The following CD48 variants were observed in gnomAD, a reference collection of about 807,000 sequenced individuals.
The protein encoded by CD48 is CD48 molecule, also known as CD48 antigen.
A neutral mutation model predicts 22.0 loss-of-function variants in CD48; 20 were observed. The observed-to-expected ratio is 0.91, with a 90% confidence interval of 0.64 to 1.32. The LOEUF (loss-of-function observed/expected upper bound fraction) is 1.32, where lower values mean the gene tolerates loss of function less well. CD48 is among the 40% of genes most tolerant of loss of function. CD48 has a pLI of 0.00. For missense variants in CD48, 307 were observed against 286.5 expected, an observed-to-expected ratio of 1.07 and a Z score of -0.52; for synonymous variants, 110 against 110.1, an observed-to-expected ratio of 1.00 and a Z score of 0.01.
chr1:160,680,555 G>T lies in CD48; in HGVS notation c.652+647C>A, dbSNP rs145104169. Reference sequence around the variant, plus strand: ...GACTCTAAAACCCATGGCCTTAGCTGTCCCATGCTAGCACCAGTGTAGGCC... The same window carrying T: ...GACTCTAAAACCCATGGCCTTAGCTTTCCCATGCTAGCACCAGTGTAGGCC... On this transcript the variant is annotated intron_variant, in intron 3 of 3. Transcript: ENST00000368046. 142 of 990,430 alleles carry T rather than the reference G, an allele frequency of 1.4e-4. No individual in the cohort carries two copies. In the Middle Eastern group the frequency reaches 1.6e-3, roughly 11 times the overall value. The allele number at this position is 990,430 out of a possible 1,614,324, so 61.4% of individuals were successfully genotyped here. A position where few individuals can be genotyped will look rare whatever the true frequency, so the allele number is the denominator to read the frequency against.
chr1:160,682,737 G>T (rs1331102351), intron 2 of CD48, among the ~76,000 whole-genome samples: 1 of 152,166 alleles, frequency 6.6e-6, no homozygotes, highest in Non-Finnish European at 1.5e-5. Flanking sequence ...GCTTTTTGAA[G>T]AGTGTAAGTA....
At chr1:160,711,342 C>T (rs1662939499) in intron 1 of CD48, among the ~76,000 whole-genome samples, 1 of 152,190 alleles carries the variant, frequency 6.6e-6, no homozygotes, top group Non-Finnish European at 1.5e-5. Context: ...TAAAATGCAG[C>T]AGCTGTCAGT....
intron 1 of CD48, among the ~76,000 whole-genome samples, chr1:160,697,660 T>G (rs1388476300): frequency 7.2e-5 from 11 of 152,216 alleles, no homozygotes; most frequent in Admixed American, 7.2e-4. Context: ...AATTTAGACC[T>G]AAAGGGAAAA....
At position 160,679,140 on chromosome 1, in the gene CD48, G is replaced by A; in HGVS notation, c.653-9C>T. 1 of 1,612,918 alleles carries A rather than the reference G, an allele frequency of 6.2e-7. No homozygotes were observed. The highest frequency in any genetic ancestry group is 8.5e-7 in the Non-Finnish European group (1 of 1,178,888). ...TACTCCAAAGGACCGGGCTGAAAGAGCAAGAAAACCCTATATGCTTAGGTA... is the reference window on the plus strand; with the variant it reads ...TACTCCAAAGGACCGGGCTGAAAGAACAAGAAAACCCTATATGCTTAGGTA... On this transcript the variant is annotated splice_polypyrimidine_tract_variant and intron_variant, in intron 3 of 3. Coordinates refer to ENST00000368046, the MANE Select transcript of CD48 (RefSeq NM_001778.4).
chr1:160,705,167 G>T (rs1662752881), intron 1 of CD48, among the ~76,000 whole-genome samples: 1 of 152,174 alleles, frequency 6.6e-6, no homozygotes, highest in Admixed American at 6.5e-5. Flanking sequence ...GGGCTTTCAA[G>T]TTCCTGTTCA....
chr1:160,706,925 G>T (rs1225670783), intron 1 of CD48, among the ~76,000 whole-genome samples: 2 of 152,136 alleles, frequency 1.3e-5, no homozygotes, highest in Non-Finnish European at 2.9e-5. Flanking sequence ...GGCTTCTTTG[G>T]TTTCCTCATA....
intron 1 of CD48, among the ~76,000 whole-genome samples, chr1:160,698,736 G>C (rs1486794728): frequency 6.6e-6 from 1 of 152,014 alleles, no homozygotes; most frequent in Non-Finnish European, 1.5e-5. Context: ...CATCTACAGG[G>C]AAGAGAAGAT....
intron 2 of CD48, 23 bp downstream of exon 2, chr1:160,684,864 G>T (rs756438434): frequency 1.9e-6 from 3 of 1,614,052 alleles, no homozygotes; most frequent in Admixed American, 3.3e-5. Flanking sequence ...GTGGGGATTT[G>T]CTCTTTGGCT....
At chr1:160,680,003 T>A (rs1661735358) in intron 3 of CD48, among the ~76,000 whole-genome samples, 1 of 152,020 alleles carries the variant, frequency 6.6e-6, no homozygotes, top group African/African-American at 2.4e-5. Flanking sequence ...GCCAATTAGT[T>A]AGGAAGAATA....
Position 160,711,778 on chromosome 1 carries a change from C to G in CD48, c.-15G>C, listed in dbSNP as rs1312372603. The G allele has an allele frequency of 6.2e-7, 1 of 1,606,852 alleles. No homozygotes were observed. The highest frequency in any genetic ancestry group is 1.1e-5 in the South Asian group (1 of 90,916). On this transcript the variant is annotated 5_prime_UTR_variant, in exon 1 of 4. Transcript: ENST00000368046. ...CTGGAGCACATGCTTCCTTCCAGAA[C>G]TTCCCAGCAACGCAGGAGACAGTTG...
intron 3 of CD48, among the ~76,000 whole-genome samples, chr1:160,679,793 G>T (rs909610972): frequency 6.6e-6 from 1 of 152,084 alleles, no homozygotes; most frequent in Admixed American, 6.5e-5. Context: ...TCCTCTCTTC[G>T]GATGAACAGT....
At position 160,685,062 on chromosome 1, in the gene CD48, A is replaced by T. The variant is rs1661947502; in HGVS notation, c.210T>A (p.Asp70Glu). ...ATTCAAAGTACTTAGATTTTCTGGA[A>T]TCCCATTCTACAATCTTCTGGTCGA... The part of the protein sequence containing the change: ...YTFDQKIVEW[D>E]SRKSKYFESK... Residue 70 changes from aspartate to glutamate, a missense_variant, in exon 2 of 4, where the codon GAT becomes GAA. Transcript: ENST00000368046. The T allele has an allele frequency of 1.9e-6, 3 of 1,614,084 alleles. No individual in the cohort carries two copies. Among genetic ancestry groups the T allele is most frequent in the Non-Finnish European group, 2.5e-6 (3 of 1,180,046 alleles).
In CD48 at chr1:160,679,174, T is replaced by C. The variant is rs1192908582; in HGVS notation, c.653-43A>G. 5.3e-6 allele frequency: 8 copies of C among 1,502,436 alleles called. No homozygotes were observed. In the South Asian group the frequency reaches 9.0e-5, roughly 17 times the overall value. The allele number at this position is 1,502,436 out of a possible 1,614,324, so 93.1% of individuals were successfully genotyped here. ...CCCTATATGCTTAGGTATCTTTATC[T>C]TGACTAATGTATTGAGAAGGGGCAA... On this transcript the variant is annotated intron_variant, in intron 3 of 3. Coordinates refer to ENST00000368046, the MANE Select transcript of CD48 (RefSeq NM_001778.4).
At chr1:160,703,197 C>A (rs545533088) in intron 1 of CD48, among the ~76,000 whole-genome samples, 1 of 152,246 alleles carries the variant, frequency 6.6e-6, no homozygotes, top group Non-Finnish European at 1.5e-5. Context: ...TTCTGACCAC[C>A]AGGTATGGAA....
intron 1 of CD48, among the ~76,000 whole-genome samples, chr1:160,694,730 G>A (rs925448219): frequency 5.3e-5 from 8 of 152,056 alleles, no homozygotes; most frequent in South Asian, 2.1e-4. Flanking sequence ...AATAAATCAC[G>A]GAAGAGAAGG....
At chr1:160,681,630 C>G (rs912586600) in intron 2 of CD48, among the ~76,000 whole-genome samples, 162 bp from the exon 3 acceptor site, 1 of 152,294 alleles carries the variant, frequency 6.6e-6, no homozygotes, top group Non-Finnish European at 1.5e-5. Flanking sequence ...GCAGCCTTGA[C>G]CTCCTGAGGC....
At chr1:160,690,522 T>C (rs11265464) in intron 1 of CD48, among the ~76,000 whole-genome samples, 42,197 of 152,066 alleles carry the variant, frequency 0.28, 6,867 homozygotes, top group Non-Finnish European at 0.38. Flanking sequence ...GCCAGTGGCA[T>C]TGACATGAGT....
chr1:160,690,677 C>T (rs1410191776), intron 1 of CD48, among the ~76,000 whole-genome samples: 1 of 152,112 alleles, frequency 6.6e-6, no homozygotes, highest in East Asian at 1.9e-4. Flanking sequence ...GGTGAACCAC[C>T]TGTTGTAACC....
intron 1 of CD48, 101 bp downstream of exon 1, chr1:160,711,581 A>G (rs1015131502): frequency 6.9e-6 from 6 of 865,528 alleles, no homozygotes; most frequent in African/African-American, 6.6e-5. Flanking sequence ...CTTTCCAGAC[A>G]CCAGATCTGG....
Sources: gnomAD v4.1 joint callset for allele counts (sites outside exome capture counted in the v4.1 genomes callset) on GRCh38, gnomAD v4.1.1 for gene constraint, MANE v1.5 for transcripts, NCBI Gene and HGNC (gene_info 2026-07-23, HGNC 2026-07-21) for gene names.